NRG1: variants seen among roughly 807,000 people sequenced by gnomAD.
NRG1 encodes neuregulin 1.
NRG1 carries 18 observed loss-of-function variants against 63.8 expected under a neutral mutation model. The observed-to-expected ratio is 0.28, with a 90% CI of 0.19 to 0.42. The LOEUF is 0.42. NRG1 is among the 10% of genes least tolerant of loss of function. The pLI is 1.00. For missense variants in NRG1, 762 were observed against 814.7 expected, an observed-to-expected ratio of 0.94 and a Z score of 0.79; for synonymous variants, 302 against 301.3, an observed-to-expected ratio of 1.00 and a Z score of -0.02.
intron 1 of NRG1, among the ~76,000 whole-genome samples, chr8:31,894,990 A>T (rs1252145741): frequency 6.6e-6 from 1 of 152,218 alleles, no homozygotes; most frequent in Admixed American, 6.5e-5. Flanking sequence ...TTATACATTT[A>T]TTTAGTTAAT....
At chr8:31,942,571 C>CA (rs534628487) in intron 1 of NRG1, among the ~76,000 whole-genome samples, 19 of 151,436 alleles carry the variant, frequency 1.3e-4, no homozygotes, top group African/African-American at 2.9e-4. Flanking sequence ...TTCTGCACAG[C>CA]AAAAAAAATA....
At chr8:31,969,078 A>T (rs1326934944) in intron 1 of NRG1, among the ~76,000 whole-genome samples, 1 of 152,184 alleles carries the variant, frequency 6.6e-6, no homozygotes, top group African/African-American at 2.4e-5. Context: ...GCCCTTTATA[A>T]TTCCTGTGTA....
At chr8:32,271,257 A>G (rs909066592) in intron 1 of NRG1, among the ~76,000 whole-genome samples, 3 of 152,214 alleles carry the variant, frequency 2.0e-5, no homozygotes, top group Non-Finnish European at 4.4e-5. Flanking sequence ...TAAGTTTTAC[A>G]TGAAACCCTA....
chr8:32,143,828 T>C lies in NRG1; in HGVS notation c.38-452000T>C, dbSNP rs188892314. Among the ~76,000 whole-genome samples the C allele has an allele frequency of 1.3e-3, 193 of 152,330 alleles. 1 individual carries two copies. Among genetic ancestry groups the C allele is most frequent in the African/African-American group, 4.4e-3 (185 of 41,576 alleles). On this transcript the variant is annotated intron_variant, in intron 1 of 10. Transcript: ENST00000519301. The stretch of plus-strand genomic sequence containing the variant: ...GGCATGTGTGTGCTACCAGAAAATA[T>C]GTACATGTTAGGCTCTTTGGAAGCA...
At chr8:32,583,552 T>C (rs2129532824) in intron 1 of NRG1, among the ~76,000 whole-genome samples, 1 of 152,312 alleles carries the variant, frequency 6.6e-6, no homozygotes, top group Non-Finnish European at 1.5e-5. Flanking sequence ...ATACTTCTAG[T>C]AGAGTGCCAG....
At chr8:32,195,665 C>T (rs1012372596) in intron 1 of NRG1, among the ~76,000 whole-genome samples, 2 of 152,090 alleles carry the variant, frequency 1.3e-5, no homozygotes, top group African/African-American at 4.8e-5. Flanking sequence ...CAATATCAGG[C>T]CATTAGGTGT....
At chr8:31,922,209 A>C (rs930707601) in intron 1 of NRG1, among the ~76,000 whole-genome samples, 1 of 152,162 alleles carries the variant, frequency 6.6e-6, no homozygotes, top group Non-Finnish European at 1.5e-5. Context: ...TTGTTATCGC[A>C]TTAGTTGTTT....
At chr8:31,774,448 G>A (rs549826790) in intron 1 of NRG1, among the ~76,000 whole-genome samples, 1 of 152,108 alleles carries the variant, frequency 6.6e-6, no homozygotes, top group Non-Finnish European at 1.5e-5. Context: ...TTTTCATACT[G>A]CATCCCATGC....
chr8:32,091,798 G>A (rs1829198333), intron 1 of NRG1, among the ~76,000 whole-genome samples: 1 of 152,130 alleles, frequency 6.6e-6, no homozygotes, highest in East Asian at 1.9e-4. Flanking sequence ...GTGAAATGAG[G>A]CCAACCAGGG....
At chr8:32,350,853 G>A (rs1036632893) in intron 1 of NRG1, among the ~76,000 whole-genome samples, 8 of 152,046 alleles carry the variant, frequency 5.3e-5, no homozygotes, top group African/African-American at 1.9e-4. Context: ...TTTTTTGAGG[G>A]CAGTAATCAC....
At chr8:31,997,497 T>C (rs897662982) in intron 1 of NRG1, among the ~76,000 whole-genome samples, 7 of 152,024 alleles carry the variant, frequency 4.6e-5, no homozygotes, top group Admixed American at 6.6e-5. Flanking sequence ...TAAAGCTCTT[T>C]CACATTCATC....
At chr8:31,679,191 T>C (rs1457936328) in intron 1 of NRG1, among the ~76,000 whole-genome samples, 1 of 152,128 alleles carries the variant, frequency 6.6e-6, no homozygotes, top group Non-Finnish European at 1.5e-5. Context: ...TGTTGTCTTC[T>C]CAATGAGGCT....
intron 1 of NRG1, among the ~76,000 whole-genome samples, chr8:32,182,254 A>G (rs942871096): frequency 6.7e-6 from 1 of 148,742 alleles, no homozygotes; most frequent in Admixed American, 6.7e-5. Flanking sequence ...ATGATACACA[A>G]TTTTTTTTTT....
At chr8:31,643,305 G>A (rs1351486579) in intron 1 of NRG1, among the ~76,000 whole-genome samples, 1 of 152,198 alleles carries the variant, frequency 6.6e-6, no homozygotes, top group Non-Finnish European at 1.5e-5. Flanking sequence ...ATAGAGCAAA[G>A]TCATTTTGTG....
At chr8:32,434,639 C>A (rs987103997) in intron 1 of NRG1, among the ~76,000 whole-genome samples, 73 of 152,172 alleles carry the variant, frequency 4.8e-4, no homozygotes, top group African/African-American at 1.6e-3. Context: ...AGCCTCCATT[C>A]CAGGCACTCT....
chr8:31,933,743 A>G (rs1308834100), intron 1 of NRG1, among the ~76,000 whole-genome samples: 2 of 152,208 alleles, frequency 1.3e-5, no homozygotes, highest in Non-Finnish European at 2.9e-5. Context: ...TATTTTTTAT[A>G]ATTGATACAA....
intron 6 of NRG1, among the ~76,000 whole-genome samples, chr8:32,732,801 T>C (rs929519104): frequency 1.5e-5 from 2 of 135,068 alleles, no homozygotes; most frequent in Non-Finnish European, 3.1e-5. Context: ...TTTAATTTCT[T>C]TTTTTTTTTT....
chr8:31,899,971 T>C (rs1480024535), intron 1 of NRG1, among the ~76,000 whole-genome samples: 1 of 152,222 alleles, frequency 6.6e-6, no homozygotes, highest in Non-Finnish European at 1.5e-5. Context: ...GCACATCTTA[T>C]GTACTTTGTA....
rs973689554 is a variant in NRG1 at position 32,013,303 on chromosome 8, C to T, written c.37+373872C>T. Among the ~76,000 whole-genome samples, 3 of 151,980 alleles carry T rather than the reference C, an allele frequency of 2.0e-5. 1 individual carries two copies. Among genetic ancestry groups the T allele is most frequent in the Admixed American group, 2.0e-4 (3 of 15,230 alleles). ...AATTAGTAAAATGAGATACCAGCAG[C>T]AGGAAGAGGAACCACTTTGCTGACC... On this transcript the variant is annotated intron_variant, in intron 1 of 10. Transcript: ENST00000519301.
Sources: allele counts gnomAD v4.1 joint callset (sites outside exome capture counted in the v4.1 genomes callset), GRCh38; gene constraint gnomAD v4.1.1; transcripts MANE v1.5; gene names NCBI Gene and HGNC (gene_info 2026-07-23, HGNC 2026-07-21).